Variants in MX2 observed in about 807,000 individuals in gnomAD.
MX2 encodes the protein MX dynamin like GTPase 2.
A neutral mutation model predicts 74.0 loss-of-function variants in MX2; 51 were observed. The ratio of observed to expected loss-of-function variants is 0.69; its 90% CI spans 0.55 to 0.87. MX2 has a LOEUF of 0.87. Ranked by LOEUF, MX2 falls within the 40% of genes least tolerant of loss-of-function variation. The probability of loss-of-function intolerance (pLI) is 0.00; values close to 1 mark genes in which losing one functional copy is unlikely to be tolerated. For missense variants in MX2, 832 were observed against 908.7 expected (o/e 0.92, Z 1.09); for synonymous variants, 369 against 339.3 (o/e 1.09, Z -0.96).
intron 5 of MX2, among the ~76,000 whole-genome samples, chr21:41,386,236 A>AC (rs1568940237): frequency 2.1e-5 from 3 of 140,214 alleles, no homozygotes; most frequent in African/African-American, 2.7e-5. Flanking sequence ...AAAAAAAAAA[A>AC]AAAAAAAAAA....
At chr21:41,403,591 C>G (rs1248859655) in intron 12 of MX2, 1 of 715,642 alleles carries the variant, frequency 1.4e-6, no homozygotes, top group Non-Finnish European at 2.6e-6. Flanking sequence ...GCCATCTGTT[C>G]TGCACGACCT....
chr21:41,399,312 C>G lies in MX2; in HGVS notation c.1389C>G (p.Gly463=). The part of the protein sequence containing the change: ...KIREDFKNWV[G]ILATNTQKVK... ...GAGAGGATTTTAAAAACTGGGTAGG[C>G]ATACTTGCAACTAATACCCAAAAAG... Residue 463 remains glycine (G), a synonymous_variant, in exon 10 of 14, where the codon GGC becomes GGG. Coordinates refer to ENST00000330714, the MANE Select transcript of MX2 (RefSeq NM_002463.2). 6.2e-7 allele frequency: 1 copy of G among 1,614,036 alleles called. No individual in the cohort carries two copies. Among genetic ancestry groups the G allele is most frequent in the South Asian group, 1.1e-5 (1 of 91,068 alleles).
intron 6 of MX2, among the ~76,000 whole-genome samples, chr21:41,391,005 CAA>C (rs776077046): frequency 1.1e-4 from 13 of 116,038 alleles, no homozygotes; most frequent in Admixed American, 1.7e-4. Context: ...GACTCCATCT[CAA>C]AAAAAAAAAA....
intron 1 of MX2, among the ~76,000 whole-genome samples, chr21:41,369,573 G>C (rs1285773390): frequency 6.6e-6 from 1 of 152,152 alleles, no homozygotes; most frequent in Non-Finnish European, 1.5e-5. Context: ...GAAAGCCGCT[G>C]AGAGCTGCTG....
At chr21:41,389,598 G>A (rs534616835) in intron 5 of MX2, 1 of 152,240 alleles carries the variant, frequency 6.6e-6, no homozygotes, top group African/African-American at 2.4e-5. Flanking sequence ...TATAACTTTA[G>A]CCAGTTAAGT....
intron 1 of MX2, chr21:41,367,386 G>A (rs906548816): frequency 6.6e-6 from 1 of 151,956 alleles, no homozygotes; most frequent in Non-Finnish European, 1.5e-5. Flanking sequence ...CTGGGAGGCA[G>A]GCAGGACCAT....
At chr21:41,364,985 C>T (rs1356661455) in intron 1 of MX2, 1 of 152,202 alleles carries the variant, frequency 6.6e-6, no homozygotes, top group African/African-American at 2.4e-5. Context: ...CACAGACACA[C>T]CCAGGATCAG....
intron 5 of MX2, among the ~76,000 whole-genome samples, chr21:41,383,090 G>A (rs2089520222): frequency 6.6e-6 from 1 of 152,200 alleles, no homozygotes; most frequent in Admixed American, 6.5e-5. Context: ...CAGGCACGGT[G>A]GCGCATGCCT....
At chr21:41,399,096 C>A in intron 9 of MX2, 77 bp downstream of exon 9, 1 of 1,595,906 alleles carries the variant, frequency 6.3e-7, no homozygotes, top group Non-Finnish European at 8.6e-7. Flanking sequence ...CCCTTCTTCA[C>A]CCATGAGATG....
In MX2 at chr21:41,408,331, T is replaced by G; in HGVS notation, c.*98T>G. 1.3e-6 allele frequency: 2 copies of G among 1,491,598 alleles called. No homozygotes were observed. The highest frequency in any genetic ancestry group is 4.6e-5 in the East Asian group (2 of 43,840). 92.4% of individuals were successfully genotyped at this position (1,491,598 alleles called of 1,614,324 possible). On this transcript the variant is annotated 3_prime_UTR_variant, in exon 14 of 14. Coordinates refer to ENST00000330714, the MANE Select transcript of MX2 (RefSeq NM_002463.2). ...CTTCTGCTTTGGGGCCAAACTCTTC[T>G]GTCACTATCAGTGTCCATCTCTACT...
At position 41,408,342 on chromosome 21, in the gene MX2, G is replaced by T. The variant is rs2089914397; in HGVS notation, c.*109G>T. ...GGGCCAAACTCTTCTGTCACTATCA[G>T]TGTCCATCTCTACTGTACTCCCTCA... On this transcript the variant is annotated 3_prime_UTR_variant, in exon 14 of 14. Coordinates refer to ENST00000330714, the MANE Select transcript of MX2 (RefSeq NM_002463.2). 5.6e-6 allele frequency: 8 copies of T among 1,437,086 alleles called. No individual in the cohort carries two copies. The highest frequency in any genetic ancestry group is 7.5e-6 in the Non-Finnish European group (8 of 1,061,760). The allele number at this position is 1,437,086 out of a possible 1,614,324, so 89.0% of individuals were successfully genotyped here.
Position 41,406,965 on chromosome 21 carries a change from T to C in MX2, c.1872T>C (p.Thr624=), listed in dbSNP as rs1290361853. Residue 624 remains threonine, a synonymous_variant, in exon 13 of 14, where the codon ACT becomes ACC. Coordinates refer to ENST00000330714, the MANE Select transcript of MX2 (RefSeq NM_002463.2). ...PSNESSVSSF[T]EIGIHLNAYF... ...ATGAGTCTTCGGTTTCCTCCTTTAC[T>C]GAAATAGGCATCCACCTGAATGCCT... 6.2e-7 allele frequency: 1 copy of C among 1,613,534 alleles called. No homozygotes were observed. Among genetic ancestry groups the C allele is most frequent in the Non-Finnish European group, 8.5e-7 (1 of 1,179,474 alleles).
chr21:41,403,217 C>A, intron 11 of MX2, 50 bp from the exon 12 acceptor site: 1 of 1,420,894 alleles, frequency 7.0e-7, no homozygotes, highest in Non-Finnish European at 9.9e-7. Flanking sequence ...TTTCTGCTTG[C>A]ATTTTACTGA....
Position 41,380,186 on chromosome 21 carries a change from A to G in MX2, c.577+35A>G. On this transcript the variant is annotated intron_variant, in intron 4 of 13. Coordinates refer to ENST00000330714, the MANE Select transcript of MX2 (RefSeq NM_002463.2). The surrounding 1 kb of genome is among the most constrained non-coding windows in gnomAD (Gnocchi z 4.3). ...CGTCATTCTGAGGTTCGGATCTGGCAGCCGCTCCTCTCACTTCCTCGGTTC... is the reference window on the plus strand; with the variant it reads ...CGTCATTCTGAGGTTCGGATCTGGCGGCCGCTCCTCTCACTTCCTCGGTTC... 6.2e-7 allele frequency: 1 copy of G among 1,612,494 alleles called. No individual in the cohort carries two copies. The highest frequency in any genetic ancestry group is 8.5e-7 in the Non-Finnish European group (1 of 1,178,978).
At chr21:41,387,592 T>A (rs971451284) in intron 5 of MX2, among the ~76,000 whole-genome samples, 5 of 152,178 alleles carry the variant, frequency 3.3e-5, no homozygotes, top group Admixed American at 2.0e-4. Flanking sequence ...TTCCCTGACC[T>A]CCAAATGTTG....
Position 41,362,027 on chromosome 21 carries a change from G to A in MX2, c.-100G>A, listed in dbSNP as rs961560054. 2.6e-5 allele frequency: 4 copies of A among 152,314 alleles called. No individual in the cohort carries two copies. The highest frequency in any genetic ancestry group is 5.9e-5 in the Non-Finnish European group (4 of 68,088). The allele number at this position is 152,314 out of a possible 1,614,324, so 9.4% of individuals were successfully genotyped here. ...AAAGTGAAGTGGAGGAAAGGGAAGA[G>A]ATGATTTCTCCATCCTGAACGTGCA... On this transcript the variant is annotated 5_prime_UTR_variant, in exon 1 of 14. Transcript: ENST00000330714.
At position 41,380,119 on chromosome 21, in the gene MX2, ACCCTGG is replaced by A; in HGVS notation, c.548_553del (p.Pro183_Gly184del). ...CGGAACACCGAGCTAGAGCTTCAGG[ACCCTGG>A]CCAGGTGGAGAAAGAGATACACAAA... is the stretch of plus-strand genomic sequence containing the variant. On this transcript the variant is annotated inframe_deletion, in exon 4 of 14. Coordinates refer to ENST00000330714, the MANE Select transcript of MX2 (RefSeq NM_002463.2). This position sits in a 1 kb window ranked among gnomAD's most constrained non-coding sequence, Gnocchi z 4.3. 1 of 1,613,850 alleles carries A rather than the reference ACCCTGG, an allele frequency of 6.2e-7. No individual in the cohort carries two copies. Among genetic ancestry groups the A allele is most frequent in the Non-Finnish European group, 8.5e-7 (1 of 1,179,806 alleles).
At position 41,377,164 on chromosome 21, in the gene MX2, G is replaced by T. The variant is rs7281331; in HGVS notation, c.249+9G>T. On this transcript the variant is annotated intron_variant, in intron 2 of 13. Transcript: ENST00000330714. ...GCCAACCAAGGGCAATGGTAAGCCC[G>T]GTGGAGGGACGTTCAGAAAGGGTGC... is the stretch of plus-strand genomic sequence containing the variant. 1 of 1,613,308 alleles carries T rather than the reference G, an allele frequency of 6.2e-7. No individual in the cohort carries two copies. The highest frequency in any genetic ancestry group is 8.5e-7 in the Non-Finnish European group (1 of 1,179,434).
chr21:41,394,283 C>T (rs912126381), intron 6 of MX2, among the ~76,000 whole-genome samples: 3 of 152,188 alleles, frequency 2.0e-5, no homozygotes, highest in African/African-American at 7.2e-5. Context: ...TCAGTTCCAC[C>T]GCTCTCTGCC....
Sources: allele counts gnomAD v4.1 joint callset (sites outside exome capture counted in the v4.1 genomes callset), GRCh38; gene constraint gnomAD v4.1.1; non-coding constraint Gnocchi (gnomAD v3.1); transcripts MANE v1.5; gene names NCBI Gene and HGNC (gene_info 2026-07-23, HGNC 2026-07-21).